Variants in ACBD6 observed in about 807,000 individuals in gnomAD.
The protein encoded by ACBD6 is acyl-CoA-binding domain-containing protein 6.
ACBD6 carries 28 observed loss-of-function variants against 37.2 expected under a neutral mutation model. That is an observed-to-expected ratio of 0.75 (90% CI 0.56 to 1.03). ACBD6 has a LOEUF of 1.03. Ranked by LOEUF, ACBD6 falls within the 50% of genes least tolerant of loss-of-function variation. The pLI is 0.00. For missense variants in ACBD6, 340 were observed against 337.4 expected, an observed-to-expected ratio of 1.01 and a Z score of -0.06; for synonymous variants, 113 against 126.8, an observed-to-expected ratio of 0.89 and a Z score of 0.73.
intron 1 of ACBD6, among the ~76,000 whole-genome samples, chr1:180,497,983 T>C (rs113910057): frequency 0.046 from 6,963 of 152,334 alleles, 209 homozygotes; most frequent in Middle Eastern, 0.068. Flanking sequence ...GAATTTTTCA[T>C]ACTGTTAACA....
intron 4 of ACBD6, among the ~76,000 whole-genome samples, chr1:180,415,094 A>C (rs1648025584): frequency 6.6e-6 from 1 of 150,534 alleles, no homozygotes; most frequent in South Asian, 2.1e-4. Context: ...TAAAAAAAAC[A>C]AAAACAAAAA....
intron 6 of ACBD6, among the ~76,000 whole-genome samples, chr1:180,356,483 T>G (rs145061023): frequency 2.9e-4 from 44 of 152,252 alleles, no homozygotes; most frequent in African/African-American, 1.0e-3. Context: ...ATTGTTATTA[T>G]TTTTTAAATT....
intron 6 of ACBD6, among the ~76,000 whole-genome samples, chr1:180,364,531 TGA>T (rs1433729311): frequency 1.1e-4 from 17 of 151,684 alleles, no homozygotes; most frequent in African/African-American, 4.1e-4. Context: ...AAAACGAGAG[TGA>T]GTTATAGGTA....
chr1:180,486,675 T>C (rs957598920), intron 3 of ACBD6, among the ~76,000 whole-genome samples: 6 of 152,172 alleles, frequency 3.9e-5, no homozygotes, highest in African/African-American at 1.2e-4. Context: ...AGGAAAAGGA[T>C]ATTTACATAG....
At chr1:180,346,684 T>A (rs1228810515) in intron 6 of ACBD6, among the ~76,000 whole-genome samples, 1 of 152,050 alleles carries the variant, frequency 6.6e-6, no homozygotes, top group Admixed American at 6.6e-5. Context: ...ATGGAGACTG[T>A]GAGAAAACAA....
chr1:180,363,437 T>G, intron 6 of ACBD6, among the ~76,000 whole-genome samples: 1 of 152,180 alleles, frequency 6.6e-6, no homozygotes, highest in East Asian at 1.9e-4. Context: ...GTATGGAAAT[T>G]TTTCATGTCA....
chr1:180,445,580 T>C (rs1040042425), intron 3 of ACBD6, among the ~76,000 whole-genome samples: 10 of 152,278 alleles, frequency 6.6e-5, no homozygotes, highest in Middle Eastern at 3.4e-3. Flanking sequence ...TTAAATATAA[T>C]ACACTAAGAC....
At chr1:180,369,940 TTAAGAC>T (rs1351290514) in intron 6 of ACBD6, among the ~76,000 whole-genome samples, 1 of 152,214 alleles carries the variant, frequency 6.6e-6, no homozygotes, top group Admixed American at 6.5e-5. Flanking sequence ...TCAAATAAAC[TTAAGAC>T]TGAGTGTTCA....
At chr1:180,318,754 C>G (rs1352430916) in intron 6 of ACBD6, among the ~76,000 whole-genome samples, 5 of 152,182 alleles carry the variant, frequency 3.3e-5, no homozygotes, top group Admixed American at 3.3e-4. Flanking sequence ...TCAGTCTACT[C>G]TGAGGGTGGT....
At chr1:180,271,500 C>T in exon 14 of ACBD6, 1 of 1,614,164 alleles carries the variant, frequency 6.2e-7, no homozygotes, top group Non-Finnish European at 8.5e-7. Context: ...GAGCAGCTGT[C>T]CTCAGAGACA....
intron 6 of ACBD6, among the ~76,000 whole-genome samples, chr1:180,365,701 C>T (rs1021087641): frequency 2.6e-5 from 4 of 152,132 alleles, no homozygotes; most frequent in Non-Finnish European, 4.4e-5. Flanking sequence ...TGTTTACCTA[C>T]GGTCCACAAT....
At chr1:180,501,816 A>G (rs1456005350) in intron 1 of ACBD6, among the ~76,000 whole-genome samples, 1 of 151,816 alleles carries the variant, frequency 6.6e-6, no homozygotes, top group African/African-American at 2.4e-5. Context: ...CACAAAAACA[A>G]TGTCCAGTGT....
chr1:180,271,268 C>G, exon 14 of ACBD6: 1 of 1,233,780 alleles, frequency 8.1e-7, no homozygotes, highest in South Asian at 1.2e-5. Flanking sequence ...CTCGCGCTGT[C>G]CTGCCTACAG....
In ACBD6 at chr1:180,493,276, A is replaced by AAAC. The variant is rs1278170762; in HGVS notation, c.288-914_288-912dup. Among the ~76,000 whole-genome samples, 839 of 113,368 alleles carry AAAC rather than the reference A, an allele frequency of 7.4e-3. 16 individuals are homozygous for AAAC. Among genetic ancestry groups the AAAC allele is most frequent in the Admixed American group, 0.016 (149 of 9,540 alleles). 74.4% of individuals were successfully genotyped at this position (113,368 alleles called of 152,430 possible). The stretch of plus-strand genomic sequence containing the variant: ...AAAAAAAAAAAAAAAAAAAAAAAAA[A>AAAC]AACAACAACAGCAACTAAAGAATAC... On this transcript the variant is annotated intron_variant, in intron 2 of 7. Transcript: ENST00000367595.
intron 6 of ACBD6, among the ~76,000 whole-genome samples, chr1:180,347,335 C>T (rs1571390523): frequency 7.1e-6 from 1 of 140,920 alleles, no homozygotes; most frequent in Non-Finnish European, 1.5e-5. Context: ...TATAGGGAGT[C>T]AAACACTTAA....
chr1:180,396,174 G>A (rs1351860725), intron 6 of ACBD6, among the ~76,000 whole-genome samples: 1 of 152,158 alleles, frequency 6.6e-6, no homozygotes, highest in Non-Finnish European at 1.5e-5. Flanking sequence ...GTGTTTAATG[G>A]TTAGAGTTTC....
At chr1:180,330,683 C>G (rs778140482) in intron 6 of ACBD6, among the ~76,000 whole-genome samples, 10 of 151,860 alleles carry the variant, frequency 6.6e-5, no homozygotes, top group African/African-American at 2.2e-4. Flanking sequence ...GGCAACTGAT[C>G]AAATGTACAT....
At chr1:180,331,393 G>A (rs1651474561) in intron 6 of ACBD6, among the ~76,000 whole-genome samples, 1 of 152,116 alleles carries the variant, frequency 6.6e-6, no homozygotes, top group African/African-American at 2.4e-5. Flanking sequence ...TCATTCAGCA[G>A]GGGAAAATGT....
At chr1:180,306,286 A>G (rs76579943) in intron 7 of ACBD6, among the ~76,000 whole-genome samples, 10,792 of 152,012 alleles carry the variant, frequency 0.071, 415 homozygotes, top group African/African-American at 0.11. Flanking sequence ...CAAACCAAAC[A>G]AAACAAAAAA....
Sources: gnomAD v4.1 joint callset for allele counts (sites outside exome capture counted in the v4.1 genomes callset) on GRCh38, gnomAD v4.1.1 for gene constraint, MANE v1.5 for transcripts, NCBI Gene and HGNC (gene_info 2026-07-23, HGNC 2026-07-21) for gene names.